Variants in MYPN observed in about 807,000 individuals in gnomAD.
MYPN encodes the protein myopalladin, also known as sarcomeric protein myopalladin, 145 kDa (MYOP).
A neutral mutation model predicts 129.4 loss-of-function variants in MYPN; 63 were observed. That is an observed-to-expected ratio of 0.49 (90% confidence interval 0.40 to 0.60). The LOEUF (loss-of-function observed/expected upper bound fraction) is 0.60. Ranked by LOEUF, MYPN falls within the 20% of genes least tolerant of loss-of-function variation. The pLI, the probability that MYPN is intolerant of heterozygous loss-of-function variation, is 0.00. For missense variants in MYPN, 1,596 were observed against 1,635.4 expected, an observed-to-expected ratio of 0.98 and a Z score of 0.42; for synonymous variants, 629 against 600.9, an observed-to-expected ratio of 1.05 and a Z score of -0.68.
At chr10:68,137,671 T>C (rs1564656084) in intron 2 of MYPN, among the ~76,000 whole-genome samples, 1 of 152,162 alleles carries the variant, frequency 6.6e-6, no homozygotes, top group Non-Finnish European at 1.5e-5. Context: ...TGGAAAACCA[T>C]AAACTTACCG....
chr10:68,122,317 A>G lies in MYPN; in HGVS notation c.879A>G (p.Val293=). 6.2e-7 allele frequency: 1 copy of G among 1,613,746 alleles called. No individual in the cohort carries two copies. The highest frequency in any genetic ancestry group is 8.5e-7 in the Non-Finnish European group (1 of 1,179,980). The change falls in exon 2 of 20, where the codon GTA becomes GTG. Residue 293 remains valine (V), a synonymous_variant. Coordinates refer to ENST00000358913, the MANE Select transcript of MYPN (RefSeq NM_032578.4). ...GAGTACAGTTGGATTGCATAGTGGT[A>G]GGAATTCCACCACCTCAAGTAAGGT... The part of the protein sequence containing the change: ...GTRVQLDCIV[V]GIPPPQVRWY...
At chr10:68,094,082 C>T (rs1004873884) in intron 1 of MYPN, among the ~76,000 whole-genome samples, 14 of 152,012 alleles carry the variant, frequency 9.2e-5, no homozygotes, top group Non-Finnish European at 1.6e-4. Flanking sequence ...TCACTTTCGT[C>T]GCCATCTTGG....
At chr10:68,106,632 G>C (rs554043520), upstream of MYPN, 70 of 705,734 alleles carry the variant, frequency 9.9e-5, no homozygotes, top group Non-Finnish European at 1.6e-4. Context: ...GTATATGTGA[G>C]TAATTTGTTT....
At chr10:68,179,292 G>C (rs556169699) in intron 12 of MYPN, among the ~76,000 whole-genome samples, 2 of 152,072 alleles carry the variant, frequency 1.3e-5, no homozygotes, top group Middle Eastern at 3.2e-3. Flanking sequence ...CCCACTTTGG[G>C]CATTTCAGGA....
chr10:68,145,440 C>T (rs747422501), intron 3 of MYPN, 35 bp from the exon 4 acceptor site: 2 of 1,572,944 alleles, frequency 1.3e-6, no homozygotes, highest in Admixed American at 3.3e-5. Context: ...AAATTGTCAT[C>T]TTAACAATCT....
chr10:68,176,413 C>T (rs919149520), intron 12 of MYPN, among the ~76,000 whole-genome samples: 10 of 152,082 alleles, frequency 6.6e-5, no homozygotes, highest in Non-Finnish European at 1.3e-4. Context: ...AAAAATATTA[C>T]AAAATTTCAG....
intron 13 of MYPN, among the ~76,000 whole-genome samples, chr10:68,193,309 G>A (rs6480309): frequency 0.54 from 82,630 of 151,854 alleles, 24,083 homozygotes; most frequent in Non-Finnish European, 0.64. Context: ...AAATAGTCAC[G>A]CTAAAAAGAA....
In MYPN at chr10:68,143,760, T is replaced by C. The variant is rs539459233; in HGVS notation, c.1078+645T>C. Among the ~76,000 whole-genome samples the C allele has an allele frequency of 4.8e-4, 73 of 152,226 alleles. 1 individual carries two copies. The highest frequency in any genetic ancestry group is 1.7e-3 in the African/African-American group (72 of 41,536). Reference sequence around the variant, plus strand: ...TTTTTGTTTTTTGTTTTGTTTTGTTTTGTTTTGTTTTTAAGACGGAGTCTC... The same window carrying C: ...TTTTTGTTTTTTGTTTTGTTTTGTTCTGTTTTGTTTTTAAGACGGAGTCTC... On this transcript the variant is annotated intron_variant, in intron 3 of 19. Coordinates refer to ENST00000358913, the MANE Select transcript of MYPN (RefSeq NM_032578.4).
intron 1 of MYPN, among the ~76,000 whole-genome samples, chr10:68,116,942 G>A (rs779398641): frequency 2.6e-5 from 4 of 152,104 alleles, no homozygotes; most frequent in East Asian, 3.9e-4. Flanking sequence ...AAGATAGGCC[G>A]GACATGGTGG....
rs547690850 is a variant in MYPN at position 68,130,712 on chromosome 10, A to G, written c.902+8372A>G. ...TTTAAGAAATTCTTCCTAACCTCAA[A>G]GTCATAAAGATATTCTTGTATTTTG... On this transcript the variant is annotated intron_variant, in intron 2 of 19. Coordinates refer to ENST00000358913, the MANE Select transcript of MYPN (RefSeq NM_032578.4). Among the ~76,000 whole-genome samples, 8 of 152,260 alleles carry G rather than the reference A, an allele frequency of 5.3e-5. No homozygotes were observed. In the East Asian group the frequency reaches 1.3e-3, roughly 26 times the overall value.
At chr10:68,152,842 T>C (rs1335906302) in intron 6 of MYPN, among the ~76,000 whole-genome samples, 1 of 152,080 alleles carries the variant, frequency 6.6e-6, no homozygotes, top group African/African-American at 2.4e-5. Flanking sequence ...TTCACCATGT[T>C]GGTCAGGCTG....
intron 2 of MYPN, among the ~76,000 whole-genome samples, chr10:68,127,635 G>C (rs2042347588): frequency 6.6e-6 from 1 of 151,838 alleles, no homozygotes; most frequent in Non-Finnish European, 1.5e-5. Flanking sequence ...GCCAAGCCTG[G>C]GACACATATA....
chr10:68,146,076 T>C (rs1435357236), intron 4 of MYPN, among the ~76,000 whole-genome samples: 1 of 152,168 alleles, frequency 6.6e-6, no homozygotes, highest in Non-Finnish European at 1.5e-5. Flanking sequence ...AGAAAAAGAT[T>C]ATCTATGAGA....
At chr10:68,117,679 T>C (rs988952044) in intron 1 of MYPN, among the ~76,000 whole-genome samples, 9 of 152,158 alleles carry the variant, frequency 5.9e-5, no homozygotes, top group Non-Finnish European at 7.3e-5. Flanking sequence ...ATGTAGACTT[T>C]GGTTTTTCTT....
At position 68,202,240 on chromosome 10, in the gene MYPN, G is replaced by A. The variant is rs973846336; in HGVS notation, c.3659+246G>A. Reference sequence around the variant, plus strand: ...GAGGTCAGGAGATCGAGGCCATCCTGGCTAACATAGTGAAACCCTATCTTT... The same window carrying A: ...GAGGTCAGGAGATCGAGGCCATCCTAGCTAACATAGTGAAACCCTATCTTT... On this transcript the variant is annotated intron_variant, in intron 18 of 19. Coordinates refer to ENST00000358913, the MANE Select transcript of MYPN (RefSeq NM_032578.4). 5.3e-5 allele frequency among the ~76,000 whole-genome samples: 8 copies of A among 152,256 alleles called. No homozygotes were observed. In the East Asian group the frequency reaches 1.5e-3, roughly 29 times the overall value.
chr10:68,130,113 A>G lies in MYPN; in HGVS notation c.902+7773A>G, dbSNP rs193194540. Among the ~76,000 whole-genome samples the G allele has an allele frequency of 1.8e-3, 275 of 152,174 alleles. 1 individual carries two copies. The highest frequency in any genetic ancestry group is 6.3e-3 in the African/African-American group (262 of 41,506). ...AAGGGCCTGTTTACATCTTTCACCC[A>G]TTTTTCTATTGGATTTTTTGTTCTT... On this transcript the variant is annotated intron_variant, in intron 2 of 19. Transcript: ENST00000358913.
chr10:68,210,753 C>T lies in MYPN; in HGVS notation c.*298C>T, dbSNP rs2043899357. 3.9e-6 allele frequency: 2 copies of T among 509,572 alleles called. No individual in the cohort carries two copies. Among genetic ancestry groups the T allele is most frequent in the Non-Finnish European group, 7.6e-6 (2 of 263,020 alleles). The allele number at this position is 509,572 out of a possible 1,614,324, so 31.6% of individuals were successfully genotyped here. ...GAAAAAACTAGCATGCTCCCCTGCT[C>T]CCTGTTGTGTTAGGGATGTTTAGGT... On this transcript the variant is annotated 3_prime_UTR_variant, in exon 20 of 20. Transcript: ENST00000358913.
At position 68,201,820 on chromosome 10, in the gene MYPN, C is replaced by T. The variant is rs761404621; in HGVS notation, c.3494-9C>T. The T allele has an allele frequency of 1.9e-6, 3 of 1,613,436 alleles. No homozygotes were observed. Among genetic ancestry groups the T allele is most frequent in the East Asian group, 2.2e-5 (1 of 44,860 alleles). The stretch of plus-strand genomic sequence containing the variant: ...GAAAGAAAAAAAGAATGACCCTTCT[C>T]TTGCTCAGCCAAAGAGGTGAAGAAA... On this transcript the variant is annotated splice_polypyrimidine_tract_variant and intron_variant, in intron 17 of 19. Coordinates refer to ENST00000358913, the MANE Select transcript of MYPN (RefSeq NM_032578.4).
intron 3 of MYPN, 125 bp downstream of exon 3, chr10:68,143,240 C>A: frequency 1.2e-6 from 1 of 848,742 alleles, no homozygotes; most frequent in Admixed American, 2.3e-5. Flanking sequence ...AGCAGTGAAC[C>A]GAGTAGAACA....
Sources: allele counts gnomAD v4.1 joint callset (sites outside exome capture counted in the v4.1 genomes callset), GRCh38; gene constraint gnomAD v4.1.1; transcripts MANE v1.5; gene names NCBI Gene and HGNC (gene_info 2026-07-23, HGNC 2026-07-21).